The following USP7 variants were observed in gnomAD, a reference collection of about 807,000 sequenced individuals.
The protein encoded by USP7 is ubiquitin C-terminal hydrolase 7.
USP7 carries 9 observed loss-of-function variants against 162.9 expected under a neutral mutation model. The ratio of observed to expected loss-of-function variants is 0.06; its 90% CI spans 0.03 to 0.10. USP7 has a LOEUF of 0.10. Ranked by LOEUF, USP7 falls within the 10% of genes least tolerant of loss-of-function variation. USP7 has a pLI of 1.00. For synonymous variants in USP7, 562 were observed against 475.9 expected, an observed-to-expected ratio of 1.18 and a Z score of -2.35; for missense variants, 715 against 1,373.7, an observed-to-expected ratio of 0.52 and a Z score of 7.58.
chr16:8,898,669 G>C, intron 23 of USP7, 30 bp from the exon 24 acceptor site: 1 of 1,502,576 alleles, frequency 6.7e-7, no homozygotes, highest in Non-Finnish European at 9.0e-7. Flanking sequence ...ATAAATAAAT[G>C]ACTTGTTTAT....
intron 1 of USP7, among the ~76,000 whole-genome samples, chr16:8,949,032 C>T (rs1383904871): frequency 1.3e-5 from 2 of 152,092 alleles, no homozygotes; most frequent in Non-Finnish European, 2.9e-5. Context: ...TTAGTGGTGA[C>T]TGCTAATGGG....
At chr16:8,945,722 AC>A (rs1239654027) in intron 1 of USP7, among the ~76,000 whole-genome samples, 2 of 152,108 alleles carry the variant, frequency 1.3e-5, no homozygotes, top group Admixed American at 1.3e-4. Flanking sequence ...TTTATATGGA[AC>A]AATAAAAGAT....
intron 10 of USP7, 134 bp from the exon 11 acceptor site, chr16:8,910,961 CT>C: frequency 1.4e-6 from 1 of 729,338 alleles, no homozygotes; most frequent in Admixed American, 2.3e-5. Context: ...AACTCTCCCC[CT>C]GTAGCCAAGA....
chr16:8,961,516 G>GGGA (rs1555472816), intron 1 of USP7, among the ~76,000 whole-genome samples: 3 of 98,096 alleles, frequency 3.1e-5, no homozygotes, highest in African/African-American at 3.4e-5. Context: ...GGGGGGGGGG[G>GGGA]CAAATACCTT....
chr16:8,892,434 G>A lies in USP7; in HGVS notation c.*1564C>T, dbSNP rs190047926. Reference sequence around the variant, plus strand: ...CCAAAGACCAGGAAACCGTGCCACGGAGCTGGAAGGCAAGGCCGATGGGAC... The same window carrying A: ...CCAAAGACCAGGAAACCGTGCCACGAAGCTGGAAGGCAAGGCCGATGGGAC... On this transcript the variant is annotated 3_prime_UTR_variant, in exon 31 of 31. Coordinates refer to ENST00000344836, the MANE Select transcript of USP7 (RefSeq NM_003470.3). The A allele has an allele frequency of 9.8e-5, 15 of 152,360 alleles. No individual in the cohort carries two copies. Among genetic ancestry groups the A allele is most frequent in the African/African-American group, 3.4e-4 (14 of 41,560 alleles). The allele number at this position is 152,360 out of a possible 1,614,324, so 9.4% of individuals were successfully genotyped here.
chr16:8,897,215 A>T (rs560345254), intron 25 of USP7, 116 bp from the exon 26 acceptor site: 50 of 783,464 alleles, frequency 6.4e-5, no homozygotes, highest in Non-Finnish European at 9.4e-5. Flanking sequence ...GCTGGCCCCC[A>T]TGTTCTTGCT....
Position 8,909,338 on chromosome 16 carries a change from G to A in USP7, c.1162-888C>T, listed in dbSNP as rs186844613. 5.9e-5 allele frequency among the ~76,000 whole-genome samples: 9 copies of A among 152,232 alleles called. No individual in the cohort carries two copies. In the East Asian group the frequency reaches 1.7e-3, roughly 29 times the overall value. ...CCAGCGAGAGACCTGGAGGAACTGG[G>A]GACCATGACAAGGCACACCCATATG... On this transcript the variant is annotated intron_variant, in intron 11 of 30. Coordinates refer to ENST00000344836, the MANE Select transcript of USP7 (RefSeq NM_003470.3).
intron 1 of USP7, among the ~76,000 whole-genome samples, chr16:8,953,495 A>C (rs1899653825): frequency 6.6e-6 from 1 of 151,704 alleles, no homozygotes; most frequent in African/African-American, 2.4e-5. Flanking sequence ...GGTTGGGGAG[A>C]AGACACGTGC....
At position 8,895,624 on chromosome 16, in the gene USP7, A is replaced by G. The variant is rs199828332; in HGVS notation, c.2919+18T>C. 3.9e-5 allele frequency: 62 copies of G among 1,592,238 alleles called. 1 individual carries two copies. The highest frequency in any genetic ancestry group is 1.8e-4 in the South Asian group (16 of 89,168). The stretch of plus-strand genomic sequence containing the variant: ...CTCATGAATTCTCTCTGGTGCCAAC[A>G]GTATCGGGGACAGATACCTCTATTC... On this transcript the variant is annotated intron_variant, in intron 27 of 30. Transcript: ENST00000344836.
intron 8 of USP7, 46 bp from the exon 9 acceptor site, chr16:8,915,571 T>C: frequency 6.7e-7 from 1 of 1,492,934 alleles, no homozygotes; most frequent in Non-Finnish European, 9.3e-7. Context: ...TTGTACTTAG[T>C]AATATATACA....
chr16:8,899,416 G>T, intron 22 of USP7, 188 bp downstream of exon 22: 1 of 837,026 alleles, frequency 1.2e-6, no homozygotes, highest in Non-Finnish European at 1.8e-6. Flanking sequence ...GAGGTCTACA[G>T]GTTCTTTTCT....
rs1024523798 is a variant in USP7 at position 8,899,648 on chromosome 16, G to C, written c.2419C>G (p.Pro807Ala). 1.9e-6 allele frequency: 3 copies of C among 1,614,196 alleles called. No individual in the cohort carries two copies. Among genetic ancestry groups the C allele is most frequent in the Admixed American group, 1.7e-5 (1 of 60,026 alleles). Residue 807 changes from proline to alanine, a missense_variant, in exon 22 of 31, where the codon CCT becomes GCT. Coordinates refer to ENST00000344836, the MANE Select transcript of USP7 (RefSeq NM_003470.3). ...IFCDKTIPND[P>A]GFVVTLSNRM... is the part of the protein sequence containing the mutation. ...TTTGATAACGTAACCACAAATCCAG[G>C]ATCATTAGGGATTGTTTTATCACAG... is the stretch of plus-strand genomic sequence containing the variant.
At chr16:8,924,939 TA>T (rs1403224443) in intron 2 of USP7, among the ~76,000 whole-genome samples, 1 of 152,210 alleles carries the variant, frequency 6.6e-6, no homozygotes, top group African/African-American at 2.4e-5. Context: ...AATAATTATT[TA>T]TTTGAGCCTC....
chr16:8,952,481 T>C (rs1899599386), intron 1 of USP7, among the ~76,000 whole-genome samples: 1 of 152,148 alleles, frequency 6.6e-6, no homozygotes, highest in African/African-American at 2.4e-5. Flanking sequence ...CTGGAGGTTC[T>C]AGGGGGAAAT....
intron 26 of USP7, 60 bp downstream of exon 26, chr16:8,896,939 G>A: frequency 3.1e-6 from 4 of 1,293,064 alleles, no homozygotes; most frequent in South Asian, 1.2e-5. Flanking sequence ...CAACTGCAGA[G>A]GTCAGCGTTA....
intron 1 of USP7, among the ~76,000 whole-genome samples, chr16:8,937,479 T>G (rs1002236169): frequency 6.6e-6 from 1 of 151,964 alleles, no homozygotes; most frequent in Non-Finnish European, 1.5e-5. Context: ...GAGGCGGAGG[T>G]TGCAGTGAAC....
At chr16:8,947,753 G>T (rs1449753105) in intron 1 of USP7, among the ~76,000 whole-genome samples, 1 of 152,132 alleles carries the variant, frequency 6.6e-6, no homozygotes, top group African/African-American at 2.4e-5. Flanking sequence ...ACTTCGACAG[G>T]ATCCTGCCAT....
intron 8 of USP7, 109 bp from the exon 9 acceptor site, chr16:8,915,634 A>C (rs1396528122): frequency 8.2e-6 from 8 of 979,596 alleles, no homozygotes; most frequent in Non-Finnish European, 1.2e-5. Context: ...TGTAGACTAT[A>C]AAAATATGAC....
At chr16:8,907,727 T>C (rs1195549765) in intron 12 of USP7, among the ~76,000 whole-genome samples, 1 of 152,096 alleles carries the variant, frequency 6.6e-6, no homozygotes, top group Non-Finnish European at 1.5e-5. Context: ...GGCAGGAGAA[T>C]AGCTTGAGCC....
Sources: gnomAD v4.1 joint callset for allele counts (sites outside exome capture counted in the v4.1 genomes callset) on GRCh38, gnomAD v4.1.1 for gene constraint, MANE v1.5 for transcripts, NCBI Gene and HGNC (gene_info 2026-07-23, HGNC 2026-07-21) for gene names.